The following CERS6 variants were observed in gnomAD, a reference collection of about 807,000 sequenced individuals.
CERS6 encodes the protein ceramide synthase 6.
In CERS6, 26 loss-of-function variants were observed where a neutral mutation model predicts 56.8. The observed-to-expected ratio is 0.46, with a 90% CI of 0.34 to 0.63. The LOEUF (loss-of-function observed/expected upper bound fraction) is 0.63. Ranked by LOEUF, CERS6 falls within the 30% of genes least tolerant of loss-of-function variation. The pLI, the probability that CERS6 is intolerant of heterozygous loss-of-function variation, is 0.01. For synonymous variants in CERS6, 164 were observed against 173.3 expected, an observed-to-expected ratio of 0.95 and a Z score of 0.42; for missense variants, 415 against 467.5, an observed-to-expected ratio of 0.89 and a Z score of 1.04.
At chr2:168,474,273 A>G (rs1703265394) in intron 1 of CERS6, among the ~76,000 whole-genome samples, 1 of 152,224 alleles carries the variant, frequency 6.6e-6, no homozygotes, top group South Asian at 2.1e-4. Flanking sequence ...ATAGGAAACA[A>G]TGCAGTAACT....
intron 9 of CERS6, among the ~76,000 whole-genome samples, chr2:168,768,904 C>CAAAAAAAAAA (rs765504573): frequency 5.1e-5 from 3 of 59,404 alleles, no homozygotes; most frequent in African/African-American, 1.7e-4. Flanking sequence ...GACTCTGACT[C>CAAAAAAAAAA]AAAAAAAAAA....
chr2:168,516,587 C>A (rs1189865330), intron 1 of CERS6, among the ~76,000 whole-genome samples: 1 of 152,128 alleles, frequency 6.6e-6, no homozygotes, highest in African/African-American at 2.4e-5. Context: ...CAGTACCTGC[C>A]TTTTACAGTT....
chr2:168,464,977 C>G, intron 1 of CERS6, among the ~76,000 whole-genome samples: 1 of 152,174 alleles, frequency 6.6e-6, no homozygotes, highest in Non-Finnish European at 1.5e-5. Flanking sequence ...ATGGAGGTTC[C>G]TCGAAAAATT....
intron 1 of CERS6, among the ~76,000 whole-genome samples, chr2:168,545,903 A>T (rs1253869163): frequency 6.7e-6 from 1 of 148,638 alleles, no homozygotes; most frequent in African/African-American, 2.4e-5. Context: ...GAAGGGGAGG[A>T]TGAGGGAGGG....
chr2:168,475,720 T>C (rs1201056218), intron 1 of CERS6, among the ~76,000 whole-genome samples: 1 of 152,176 alleles, frequency 6.6e-6, no homozygotes, highest in African/African-American at 2.4e-5. Context: ...ATTTCTTGGT[T>C]TTAGAAAATT....
chr2:168,501,563 G>A (rs1227743366), intron 1 of CERS6, among the ~76,000 whole-genome samples: 1 of 152,202 alleles, frequency 6.6e-6, no homozygotes, highest in Non-Finnish European at 1.5e-5. Context: ...GGACCAACCA[G>A]TAACAATTTC....
chr2:168,632,192 G>A (rs1419398389), intron 4 of CERS6, among the ~76,000 whole-genome samples: 1 of 151,882 alleles, frequency 6.6e-6, no homozygotes, highest in African/African-American at 2.4e-5. Context: ...TAGTGATTTG[G>A]CATAACATGG....
At chr2:168,666,687 T>C (rs1685770607) in intron 4 of CERS6, among the ~76,000 whole-genome samples, 1 of 152,210 alleles carries the variant, frequency 6.6e-6, no homozygotes, top group Admixed American at 6.5e-5. Context: ...CAATATTCAT[T>C]TTCACTGTGT....
intron 3 of CERS6, among the ~76,000 whole-genome samples, chr2:168,610,858 A>T (rs543484748): frequency 1.1e-4 from 16 of 152,114 alleles, no homozygotes; most frequent in Admixed American, 3.3e-4. Flanking sequence ...CCTAGGCTGG[A>T]GTGCAGTGGT....
At chr2:168,600,328 C>T (rs892864670) in intron 3 of CERS6, among the ~76,000 whole-genome samples, 3 of 151,962 alleles carry the variant, frequency 2.0e-5, no homozygotes, top group Non-Finnish European at 4.4e-5. Context: ...CCACAGCCTC[C>T]TGAGTAGCTG....
In CERS6 at chr2:168,769,644, C is replaced by G. The variant is rs749539202; in HGVS notation, c.1137C>G (p.Ser379=). The change falls in exon 10 of 10, where the codon TCC becomes TCG. Residue 379 remains serine, a synonymous_variant. Coordinates refer to ENST00000305747, the MANE Select transcript of CERS6 (RefSeq NM_203463.3). ...SGTNGYLLTG[S]CSMDD The stretch of plus-strand genomic sequence containing the variant: ...CCAACGGGTATCTCCTGACTGGCTC[C>G]TGCTCCATGGATGATTAATTACTCA... 3.7e-6 allele frequency: 6 copies of G among 1,610,352 alleles called. No homozygotes were observed. In the East Asian group the frequency reaches 1.1e-4, roughly 30 times the overall value.
chr2:168,752,633 G>T (rs1390339091), intron 8 of CERS6, among the ~76,000 whole-genome samples: 1 of 152,168 alleles, frequency 6.6e-6, no homozygotes. Flanking sequence ...GGCAGCTACA[G>T]TATACCTAAA....
At chr2:168,622,203 G>A (rs1012199439) in intron 3 of CERS6, among the ~76,000 whole-genome samples, 8 of 152,290 alleles carry the variant, frequency 5.3e-5, no homozygotes, top group African/African-American at 1.9e-4. Context: ...ACTGAAAGAA[G>A]AAGAATTGTC....
At chr2:168,459,241 T>C (rs1011244745) in intron 1 of CERS6, among the ~76,000 whole-genome samples, 1 of 152,254 alleles carries the variant, frequency 6.6e-6, no homozygotes, top group African/African-American at 2.4e-5. Context: ...GTCAGTAATG[T>C]CCTTGTTGAG....
At chr2:168,520,547 G>C (rs1372237776) in intron 1 of CERS6, among the ~76,000 whole-genome samples, 1 of 142,698 alleles carries the variant, frequency 7.0e-6, no homozygotes, top group Non-Finnish European at 1.5e-5. Context: ...TTTCTTCTAG[G>C]ATCTTTATAG....
At chr2:168,629,494 T>C (rs1684663589) in intron 3 of CERS6, among the ~76,000 whole-genome samples, 1 of 152,220 alleles carries the variant, frequency 6.6e-6, no homozygotes, top group Non-Finnish European at 1.5e-5. Context: ...GAGATGGAAC[T>C]GAGATCAAAG....
intron 4 of CERS6, among the ~76,000 whole-genome samples, chr2:168,673,530 A>C (rs79740035): frequency 0.048 from 7,268 of 152,240 alleles, 307 homozygotes; most frequent in East Asian, 0.22. Context: ...GTGGTGGTGA[A>C]ATTTAGGGCT....
At chr2:168,485,323 T>C (rs929287472) in intron 1 of CERS6, among the ~76,000 whole-genome samples, 2 of 151,858 alleles carry the variant, frequency 1.3e-5, no homozygotes, top group Non-Finnish European at 2.9e-5. Context: ...TTTGTTGCAG[T>C]TGATGAGCCA....
At chr2:168,751,187 A>G (rs1684258058) in intron 8 of CERS6, among the ~76,000 whole-genome samples, 1 of 152,218 alleles carries the variant, frequency 6.6e-6, no homozygotes. Context: ...GCAGGCTAGA[A>G]TATGGCTGGA....
Sources: gnomAD v4.1 joint callset for allele counts (sites outside exome capture counted in the v4.1 genomes callset) on GRCh38, gnomAD v4.1.1 for gene constraint, MANE v1.5 for transcripts, NCBI Gene and HGNC (gene_info 2026-07-23, HGNC 2026-07-21) for gene names.